The following TRMT11 variants were observed in gnomAD, a reference collection of about 807,000 sequenced individuals.
TRMT11 encodes tRNA methyltransferase 11.
A neutral mutation model predicts 62.8 loss-of-function variants in TRMT11; 53 were observed. The observed-to-expected ratio is 0.84, with a 90% CI of 0.68 to 1.06. The LOEUF (loss-of-function observed/expected upper bound fraction) is 1.06. Among genes scored for constraint, TRMT11 ranks in the 50% least tolerant of loss-of-function variants. TRMT11 has a pLI of 0.00. For synonymous variants in TRMT11, 188 were observed against 190.3 expected (o/e 0.99, Z 0.10); for missense variants, 556 against 553.4 (o/e 1.00, Z -0.05).
chr6:126,209,776 A>C, the TRMT11 span, among the ~76,000 whole-genome samples: 1 of 151,978 alleles, frequency 6.6e-6, no homozygotes, highest in Non-Finnish European at 1.5e-5. Context: ...AAAAACAAAA[A>C]CAAAATACTT....
the TRMT11 span, among the ~76,000 whole-genome samples, chr6:126,264,057 C>T: frequency 2.1e-3 from 327 of 152,180 alleles, 3 homozygotes; most frequent in Non-Finnish European, 2.4e-3. Context: ...TGCTCCAGAA[C>T]GGCAGAGTGC....
intron 17 of TRMT11, among the ~76,000 whole-genome samples, chr6:126,093,615 A>ATTTTTT (rs1451363711): frequency 1.1e-5 from 1 of 89,168 alleles, no homozygotes; most frequent in African/African-American, 8.2e-5. Context: ...ATATATATAT[A>ATTTTTT]TATATATATA....
chr6:125,998,901 T>C (rs1792038415), intron 6 of TRMT11, among the ~76,000 whole-genome samples: 1 of 152,080 alleles, frequency 6.6e-6, no homozygotes, highest in South Asian at 2.1e-4. Flanking sequence ...AGGGAGGAGT[T>C]GGTATACCTG....
At chr6:126,131,032 A>G (rs1777776377) in intron 21 of TRMT11, among the ~76,000 whole-genome samples, 1 of 152,096 alleles carries the variant, frequency 6.6e-6, no homozygotes, top group African/African-American at 2.4e-5. Flanking sequence ...AGCCAAGTCT[A>G]TTTATGTTGA....
intron 3 of TRMT11, among the ~76,000 whole-genome samples, chr6:125,997,407 C>T (rs946055035): frequency 5.3e-5 from 8 of 152,162 alleles, no homozygotes; most frequent in Admixed American, 1.3e-4. Context: ...TTTGAGCATG[C>T]GACAAAAAGG....
chr6:126,058,949 C>T (rs143312991), intron 17 of TRMT11, among the ~76,000 whole-genome samples: 141 of 152,174 alleles, frequency 9.3e-4, no homozygotes, highest in Non-Finnish European at 1.6e-3. Context: ...GGCCTAGGAG[C>T]CTGCCTTGGG....
intron 1 of TRMT11, among the ~76,000 whole-genome samples, chr6:126,198,368 G>C (rs1778695594): frequency 6.6e-6 from 1 of 152,190 alleles, no homozygotes; most frequent in Non-Finnish European, 1.5e-5. Flanking sequence ...ATATATAAGA[G>C]TGTTTTCCTT....
At chr6:126,005,001 G>A (rs1793139694) in intron 7 of TRMT11, among the ~76,000 whole-genome samples, 1 of 151,968 alleles carries the variant, frequency 6.6e-6, no homozygotes, top group African/African-American at 2.4e-5. Flanking sequence ...TAAAGTGTGT[G>A]TCTCCACTTT....
At chr6:126,181,782 C>G (rs2093978727) in intron 1 of TRMT11, among the ~76,000 whole-genome samples, 1 of 152,150 alleles carries the variant, frequency 6.6e-6, no homozygotes, top group Admixed American at 6.5e-5. Flanking sequence ...TAATATCTGG[C>G]CTGTTTTCAG....
intron 21 of TRMT11, among the ~76,000 whole-genome samples, chr6:126,128,754 T>C (rs1777746261): frequency 6.6e-6 from 1 of 152,052 alleles, no homozygotes; most frequent in Admixed American, 6.6e-5. Context: ...CAGCAGTTAA[T>C]ATGACAGTAC....
chr6:126,192,229 AT>A (rs1017632278), intron 1 of TRMT11, among the ~76,000 whole-genome samples: 8 of 151,628 alleles, frequency 5.3e-5, no homozygotes, highest in African/African-American at 1.2e-4. Context: ...TGCTTTCTTA[AT>A]TTTTTTTCAG....
chr6:125,993,194 G>A (rs898645431), intron 1 of TRMT11, among the ~76,000 whole-genome samples: 1 of 152,104 alleles, frequency 6.6e-6, no homozygotes, highest in Non-Finnish European at 1.5e-5. Context: ...ATAATTATTT[G>A]GGTTTATCAG....
chr6:126,003,854 A>T (rs1792923486), intron 7 of TRMT11, among the ~76,000 whole-genome samples: 1 of 151,936 alleles, frequency 6.6e-6, no homozygotes, highest in Non-Finnish European at 1.5e-5. Context: ...TGACTTTGCT[A>T]CTAATTGATT....
At chr6:126,121,413 A>G (rs1777648138) in intron 21 of TRMT11, among the ~76,000 whole-genome samples, 1 of 152,158 alleles carries the variant, frequency 6.6e-6, no homozygotes, top group East Asian at 1.9e-4. Flanking sequence ...AACATAGAGC[A>G]CAGAGCTACA....
chr6:125,988,476 A>G (rs973559806), intron 1 of TRMT11, among the ~76,000 whole-genome samples: 4 of 152,200 alleles, frequency 2.6e-5, no homozygotes, highest in Non-Finnish European at 5.9e-5. Context: ...GAAGGGATAC[A>G]AGGGCATGGT....
At chr6:126,260,890 A>G in the TRMT11 span, among the ~76,000 whole-genome samples, 1 of 152,186 alleles carries the variant, frequency 6.6e-6, no homozygotes, top group African/African-American at 2.4e-5. Context: ...TTTGATTATA[A>G]TATGCCTCAG....
At chr6:126,235,806 T>G in the TRMT11 span, among the ~76,000 whole-genome samples, 1 of 152,150 alleles carries the variant, frequency 6.6e-6, no homozygotes, top group African/African-American at 2.4e-5. Flanking sequence ...CCATGGCACA[T>G]ATTTCCCTAT....
intron 21 of TRMT11, among the ~76,000 whole-genome samples, chr6:126,116,930 T>C (rs894675073): frequency 2.6e-5 from 4 of 152,086 alleles, no homozygotes; most frequent in Non-Finnish European, 5.9e-5. Flanking sequence ...AGATATTTTG[T>C]GTTAAAATTC....
At chr6:126,178,260 A>C (rs1278588933) in intron 1 of TRMT11, among the ~76,000 whole-genome samples, 6 of 152,184 alleles carry the variant, frequency 3.9e-5, no homozygotes, top group Admixed American at 3.9e-4. Context: ...TTTTTGAGGT[A>C]GCCACACCCA....
Sources: allele counts gnomAD v4.1 joint callset (sites outside exome capture counted in the v4.1 genomes callset), GRCh38; gene constraint gnomAD v4.1.1; transcripts MANE v1.5; gene names NCBI Gene and HGNC (gene_info 2026-07-23, HGNC 2026-07-21).